SNTG2: variants seen among roughly 807,000 people sequenced by gnomAD.
SNTG2 encodes syntrophin gamma 2, also known as gamma-2-syntrophin.
Under a neutral mutation model 70.9 loss-of-function variants are expected in SNTG2, and 74 were observed. That is an observed-to-expected ratio of 1.04 (90% CI 0.86 to 1.27). The LOEUF is 1.27. Ranked by LOEUF, SNTG2 falls within the 50% of genes most tolerant of loss-of-function variation. The pLI is 0.00. For synonymous variants in SNTG2, 278 were observed against 273.8 expected, an observed-to-expected ratio of 1.02 and a Z score of -0.15; for missense variants, 717 against 690.7, an observed-to-expected ratio of 1.04 and a Z score of -0.43.
At chr2:1,113,108 G>T (rs4971454) in intron 4 of SNTG2, among the ~76,000 whole-genome samples, 30 of 2,910 alleles carry the variant, frequency 0.01, no homozygotes, top group South Asian at 0.1. Flanking sequence ...GAGAAGGATC[G>T]TGTGTACTAA....
chr2:967,750 C>T (rs193010068), intron 1 of SNTG2, among the ~76,000 whole-genome samples: 27 of 152,252 alleles, frequency 1.8e-4, no homozygotes, highest in African/African-American at 6.3e-4. Flanking sequence ...CTTTTTGTGC[C>T]AGGCACGGTG....
Position 1,082,156 on chromosome 2 carries a change from C to T in SNTG2, c.73-1362C>T, listed in dbSNP as rs553342563. On this transcript the variant is annotated intron_variant, in intron 1 of 16. Coordinates refer to ENST00000308624, the MANE Select transcript of SNTG2 (RefSeq NM_018968.4). ...TGGTTCCCATGAGTGCTGAGGAGGCCTCCACTGTGGAAACAAGCCCAACAA... is the reference window on the plus strand; with the variant it reads ...TGGTTCCCATGAGTGCTGAGGAGGCTTCCACTGTGGAAACAAGCCCAACAA... 2.0e-5 allele frequency among the ~76,000 whole-genome samples: 3 copies of T among 152,276 alleles called. No homozygotes were observed. The South Asian group carries it at 6.2e-4, about 32-fold the overall frequency.
chr2:1,342,135 C>T (rs573907880), intron 16 of SNTG2, among the ~76,000 whole-genome samples: 47 of 152,322 alleles, frequency 3.1e-4, no homozygotes, highest in African/African-American at 1.1e-3. Context: ...CAAATCAGAG[C>T]CTTCGTAGCA....
Position 1,083,534 on chromosome 2 carries a change from C to G in SNTG2, c.89C>G (p.Ala30Gly), listed in dbSNP as rs376992258. 12 of 1,613,648 alleles carry G rather than the reference C, an allele frequency of 7.4e-6. No individual in the cohort carries two copies. Among genetic ancestry groups the G allele is most frequent in the East Asian group, 2.2e-5 (1 of 44,878 alleles). Reference protein sequence around the residue: ...LVPARTKTTIALLYDEESENA... With the variant: ...LVPARTKTTIGLLYDEESENA... The stretch of plus-strand genomic sequence containing the variant: ...TCCCTACAGACGAAAACCACTATTG[C>G]TCTGTTGTATGATGAAGAGTCCGAA... The change falls in exon 2 of 17, where the codon GCT (alanine) becomes GGT (glycine). Residue 30 changes from alanine to glycine, a missense_variant. Physicochemically the swap from Ala to Gly is moderately conservative, Grantham distance 60. Coordinates refer to ENST00000308624, the MANE Select transcript of SNTG2 (RefSeq NM_018968.4).
intron 1 of SNTG2, among the ~76,000 whole-genome samples, chr2:1,031,635 A>G (rs1660845752): frequency 6.7e-6 from 1 of 148,854 alleles, no homozygotes; most frequent in African/African-American, 2.5e-5. Flanking sequence ...GGTTCAAGCA[A>G]TTCTCCTGCC....
At position 1,097,335 on chromosome 2, in the gene SNTG2, G is replaced by A. The variant is rs561525575; in HGVS notation, c.211-861G>A. On this transcript the variant is annotated intron_variant, in intron 2 of 16. Transcript: ENST00000308624. The surrounding 1 kb of genome is among the most constrained non-coding windows in gnomAD (Gnocchi z 4.1). ...TACTTCTTTGTCCTTGCTTTGCACA[G>A]CAGATTCCTTTCAGAGCCATTCAGC... Among the ~76,000 whole-genome samples the A allele has an allele frequency of 2.4e-3, 360 of 152,300 alleles. No individual in the cohort carries two copies. The highest frequency in any genetic ancestry group is 8.3e-3 in the African/African-American group (346 of 41,572).
chr2:1,255,977 T>C (rs1209762721), intron 12 of SNTG2, among the ~76,000 whole-genome samples: 2 of 146,052 alleles, frequency 1.4e-5, no homozygotes, highest in Non-Finnish European at 3.0e-5. Context: ...CACATACGTA[T>C]GTATAGCCAC....
chr2:1,031,528 A>ATATATATATATATATATTT, intron 1 of SNTG2, among the ~76,000 whole-genome samples: 16 of 59,120 alleles, frequency 2.7e-4, no homozygotes, highest in African/African-American at 1.2e-3. Context: ...ATATATATAT[A>ATATATATATATATATATTT]TTTTTTTTTT....
chr2:1,259,521 C>T (rs1231873082), intron 13 of SNTG2, 80 bp downstream of exon 13: 1 of 1,169,624 alleles, frequency 8.5e-7, no homozygotes, highest in African/African-American at 1.5e-5. Context: ...ATTGTTTGTT[C>T]TGCGTGGTCC....
At chr2:1,080,165 A>G (rs550426317) in intron 1 of SNTG2, among the ~76,000 whole-genome samples, 3 of 147,890 alleles carry the variant, frequency 2.0e-5, no homozygotes, top group South Asian at 4.1e-4. Flanking sequence ...GTCTGCAGCA[A>G]GAATGTGCTC....
At chr2:1,256,358 C>G (rs997745360) in intron 12 of SNTG2, 2 of 152,158 alleles carry the variant, frequency 1.3e-5, no homozygotes, top group African/African-American at 4.8e-5. Flanking sequence ...GACTAGCTTT[C>G]CTAACATTAA....
Position 991,845 on chromosome 2 carries a change from C to T in SNTG2, c.72+40777C>T, listed in dbSNP as rs555528362. On this transcript the variant is annotated intron_variant, in intron 1 of 16. Transcript: ENST00000308624. ...ATTATCAATAAATGATAAGAAATTT[C>T]GTGAGAGATTGTTGCCCTTAAGCTT... Among the ~76,000 whole-genome samples the T allele has an allele frequency of 9.9e-5, 15 of 152,246 alleles. No individual in the cohort carries two copies. The South Asian group carries it at 1.5e-3, about 15-fold the overall frequency.
intron 1 of SNTG2, among the ~76,000 whole-genome samples, chr2:981,400 G>A (rs1306400779): frequency 6.6e-6 from 1 of 151,980 alleles, no homozygotes; most frequent in Non-Finnish European, 1.5e-5. Context: ...ACGCATGCAT[G>A]TGCAGACACA....
At position 1,225,687 on chromosome 2, in the gene SNTG2, G is replaced by A. The variant is rs140069967; in HGVS notation, c.720-12201G>A. ...CAGTGTGGGACAAAGCTCCACTCAC[G>A]TCTGCATTTTGGGGTGGAATTTAAG... On this transcript the variant is annotated intron_variant, in intron 9 of 16. Transcript: ENST00000308624. Among the ~76,000 whole-genome samples, 21 of 152,340 alleles carry A rather than the reference G, an allele frequency of 1.4e-4. No homozygotes were observed. In the South Asian group the frequency reaches 1.9e-3, roughly 14 times the overall value.
chr2:1,267,632 T>C (rs1572894355), intron 14 of SNTG2, 61 bp downstream of exon 14: 2 of 1,414,098 alleles, frequency 1.4e-6, no homozygotes, highest in East Asian at 4.6e-5. Flanking sequence ...GACATAGCAT[T>C]GGGGAATATG....
chr2:967,626 T>G (rs556259936), intron 1 of SNTG2, among the ~76,000 whole-genome samples: 1 of 152,352 alleles, frequency 6.6e-6, no homozygotes, highest in South Asian at 2.1e-4. Flanking sequence ...AGTGGGCATT[T>G]GCTTCTACAT....
intron 4 of SNTG2, among the ~76,000 whole-genome samples, chr2:1,104,912 A>G (rs1390639172): frequency 6.6e-5 from 10 of 152,280 alleles, no homozygotes; most frequent in South Asian, 6.2e-4. Flanking sequence ...TCAAGATAAC[A>G]TATCTTCTTT....
At chr2:1,333,215 G>A (rs1659621477) in intron 16 of SNTG2, among the ~76,000 whole-genome samples, 1 of 152,026 alleles carries the variant, frequency 6.6e-6, no homozygotes, top group Admixed American at 6.6e-5. Flanking sequence ...GCTGCAAAAA[G>A]TAAAATATTT....
At chr2:978,160 G>A (rs1005280893) in intron 1 of SNTG2, among the ~76,000 whole-genome samples, 2 of 152,182 alleles carry the variant, frequency 1.3e-5, no homozygotes, top group Non-Finnish European at 2.9e-5. Context: ...GGGGGCAAAG[G>A]TCACAGTGAG....
Sources: allele counts gnomAD v4.1 joint callset (sites outside exome capture counted in the v4.1 genomes callset), GRCh38; gene constraint gnomAD v4.1.1; non-coding constraint Gnocchi (gnomAD v3.1); transcripts MANE v1.5; gene names NCBI Gene and HGNC (gene_info 2026-07-23, HGNC 2026-07-21).